Variants in COG6 observed in about 807,000 individuals in gnomAD.
The protein encoded by COG6 is conserved oligomeric Golgi complex subunit 6.
A neutral mutation model predicts 88.8 loss-of-function variants in COG6; 74 were observed. That is an observed-to-expected ratio of 0.83 (90% CI 0.69 to 1.01). The LOEUF (loss-of-function observed/expected upper bound fraction) is 1.01. Ranked by LOEUF, COG6 falls within the 50% of genes least tolerant of loss-of-function variation. The pLI is 0.00. For synonymous variants in COG6, 286 were observed against 278.7 expected (o/e 1.03, Z -0.26); for missense variants, 800 against 797.9 (o/e 1.00, Z -0.03).
chr13:39,691,644 A>G (rs982750335), intron 11 of COG6, among the ~76,000 whole-genome samples: 7 of 151,858 alleles, frequency 4.6e-5, no homozygotes, highest in Non-Finnish European at 1.0e-4. Context: ...TCCCTTCCTT[A>G]TATACTGATA....
intron 11 of COG6, among the ~76,000 whole-genome samples, chr13:39,693,655 C>G (rs1042978144): frequency 2.0e-5 from 3 of 151,872 alleles, no homozygotes; most frequent in Admixed American, 6.6e-5. Flanking sequence ...ACCAACAGAT[C>G]AATTTCATAA....
intron 18 of COG6, among the ~76,000 whole-genome samples, chr13:39,729,577 C>A (rs996089972): frequency 6.6e-6 from 1 of 151,986 alleles, no homozygotes; most frequent in Admixed American, 6.6e-5. Context: ...AAAACAGGCA[C>A]TGAATATTTG....
Position 39,679,610 on chromosome 13 carries a change from C to A in COG6, c.613C>A (p.Gln205Lys). 6.3e-7 allele frequency: 1 copy of A among 1,597,470 alleles called. No individual in the cohort carries two copies. Residue 205 changes from glutamine (Q) to lysine (K), a missense_variant, in exon 6 of 19, where the codon CAA (glutamine) becomes AAA (lysine). Physicochemically the swap from Gln to Lys is moderately conservative, Grantham distance 53. Transcript: ENST00000455146. ...DVKVLLRTNQ[Q>K]TAGLEIMEQM... ...CAAAGTTCTCTTGCGTACAAATCAACAAACGGCAGGGTGAGTAACTGCTCA... is the reference window on the plus strand; with the variant it reads ...CAAAGTTCTCTTGCGTACAAATCAAAAAACGGCAGGGTGAGTAACTGCTCA...
chr13:39,763,322 T>C (rs1175757780), intron 18 of COG6, among the ~76,000 whole-genome samples: 1 of 151,834 alleles, frequency 6.6e-6, no homozygotes, highest in African/African-American at 2.4e-5. Flanking sequence ...TCTACCTTTT[T>C]ATCGTTTCTT....
chr13:39,763,296 T>A (rs1881079521), intron 18 of COG6, among the ~76,000 whole-genome samples: 1 of 151,820 alleles, frequency 6.6e-6, no homozygotes, highest in Non-Finnish European at 1.5e-5. Flanking sequence ...TCTATATAAT[T>A]AGTGACAGTT....
At chr13:39,684,486 G>T (rs557694070) in intron 8 of COG6, among the ~76,000 whole-genome samples, 57 of 151,812 alleles carry the variant, frequency 3.8e-4, no homozygotes, top group African/African-American at 1.4e-3. Flanking sequence ...TCCTGACCTC[G>T]TGATCCACCC....
chr13:39,659,238 T>C, intron 1 of COG6, 126 bp from the exon 2 acceptor site: 2 of 839,940 alleles, frequency 2.4e-6, no homozygotes, highest in Non-Finnish European at 3.8e-6. Context: ...TGAAGGTCAT[T>C]CAATATTTTT....
intron 4 of COG6, among the ~76,000 whole-genome samples, chr13:39,673,857 C>G (rs1241929729): frequency 6.6e-6 from 1 of 151,232 alleles, no homozygotes; most frequent in African/African-American, 2.4e-5. Context: ...GTTCATTTTC[C>G]TATGATTTTT....
Position 39,752,157 on chromosome 13 carries a change from C to T in COG6, c.*1064C>T. 8.8e-7 allele frequency: 1 copy of T among 1,136,802 alleles called. No homozygotes were observed. The highest frequency in any genetic ancestry group is 1.1e-6 in the Non-Finnish European group (1 of 879,776). The allele number at this position is 1,136,802 out of a possible 1,614,324, so 70.4% of individuals were successfully genotyped here. A position where few individuals can be genotyped will look rare whatever the true frequency, so the allele number is the denominator to read the frequency against. ...TGACATTCTTGTCAGCAAAAAAAAA[C>T]TTAATTTCTAGTAAATCTATAAAAA... On this transcript the variant is annotated 3_prime_UTR_variant, in exon 19 of 19. Coordinates refer to ENST00000455146, the MANE Select transcript of COG6 (RefSeq NM_020751.3).
In COG6 at chr13:39,680,069, C is replaced by G. The variant is rs766752003; in HGVS notation, c.694+24C>G. ...AAGTAAGTGATTTCTTTTATGTTGT[C>G]TAGATTCATGAACATTTGTAGTTGT... On this transcript the variant is annotated intron_variant, in intron 7 of 18. Coordinates refer to ENST00000455146, the MANE Select transcript of COG6 (RefSeq NM_020751.3). The G allele has an allele frequency of 3.6e-6, 5 of 1,385,032 alleles. No homozygotes were observed. In the African/African-American group the frequency reaches 7.1e-5, roughly 20 times the overall value. 85.8% of individuals were successfully genotyped at this position (1,385,032 alleles called of 1,614,324 possible).
intron 12 of COG6, among the ~76,000 whole-genome samples, chr13:39,697,208 A>T (rs1422673724): frequency 6.6e-6 from 1 of 151,722 alleles, no homozygotes; most frequent in Admixed American, 6.6e-5. Flanking sequence ...AAAATGTCTT[A>T]GTTTTCAGAA....
chr13:39,714,403 G>C (rs1445272941), intron 13 of COG6, among the ~76,000 whole-genome samples: 2 of 151,430 alleles, frequency 1.3e-5, no homozygotes, highest in East Asian at 3.9e-4. Flanking sequence ...ATCCAGAATA[G>C]AAGGAACACA....
chr13:39,680,642 C>T (rs1173251580), intron 7 of COG6, among the ~76,000 whole-genome samples: 1 of 152,132 alleles, frequency 6.6e-6, no homozygotes, highest in African/African-American at 2.4e-5. Context: ...GAATTCAGTT[C>T]CTTGTGTTTG....
intron 18 of COG6, among the ~76,000 whole-genome samples, chr13:39,742,758 T>C (rs925353247): frequency 6.6e-6 from 1 of 152,128 alleles, no homozygotes. Flanking sequence ...GCAGACCTAA[T>C]AGACATCTAC....
chr13:39,659,574 A>AT, intron 2 of COG6, 67 bp downstream of exon 2: 1 of 1,366,344 alleles, frequency 7.3e-7, no homozygotes, highest in Non-Finnish European at 1.0e-6. Context: ...TGTGCTAAGT[A>AT]TTTTTTTGAA....
At chr13:39,708,416 T>C (rs1878058096) in intron 13 of COG6, among the ~76,000 whole-genome samples, 1 of 152,230 alleles carries the variant, frequency 6.6e-6, no homozygotes. Context: ...TTTTATTTCA[T>C]GATTAGTTCC....
intron 18 of COG6, among the ~76,000 whole-genome samples, chr13:39,737,676 C>T (rs574078424): frequency 1.0e-3 from 157 of 152,034 alleles, no homozygotes; most frequent in African/African-American, 3.2e-3. Context: ...CACTAGGTCA[C>T]GTGCACCCCA....
intron 18 of COG6, among the ~76,000 whole-genome samples, chr13:39,775,539 T>A (rs1207933287): frequency 6.6e-6 from 1 of 152,168 alleles, no homozygotes; most frequent in Non-Finnish European, 1.5e-5. Flanking sequence ...TCCTGGGTTT[T>A]GGTTTCCTCA....
chr13:39,689,927 A>T, intron 11 of COG6, 103 bp downstream of exon 11: 4 of 723,380 alleles, frequency 5.5e-6, no homozygotes, highest in Non-Finnish European at 9.6e-6. Context: ...ACAATCTATA[A>T]TTTTTTCAAA....
Sources: allele counts gnomAD v4.1 joint callset (sites outside exome capture counted in the v4.1 genomes callset), GRCh38; gene constraint gnomAD v4.1.1; transcripts MANE v1.5; gene names NCBI Gene and HGNC (gene_info 2026-07-23, HGNC 2026-07-21).